Variants in TEAD1 observed in about 807,000 individuals in gnomAD.
TEAD1 encodes the protein transcriptional enhancer factor TEF-1.
In TEAD1, 9 loss-of-function variants were observed where a neutral mutation model predicts 54.9. The ratio of observed to expected loss-of-function variants is 0.16; its 90% CI spans 0.10 to 0.29. The LOEUF is 0.29. Among genes scored for constraint, TEAD1 ranks in the 10% least tolerant of loss-of-function variants. The pLI is 1.00. For synonymous variants in TEAD1, 200 were observed against 187.8 expected (o/e 1.07, Z -0.53); for missense variants, 387 against 535.9 (o/e 0.72, Z 2.74).
chr11:12,698,992 T>C (rs1227872411), intron 2 of TEAD1, among the ~76,000 whole-genome samples: 1 of 152,222 alleles, frequency 6.6e-6, no homozygotes. Flanking sequence ...TTTATTTGCA[T>C]ACTAAAGACT....
intron 3 of TEAD1, among the ~76,000 whole-genome samples, chr11:12,778,303 G>A (rs1564936506): frequency 1.3e-5 from 2 of 152,156 alleles, no homozygotes; most frequent in Non-Finnish European, 2.9e-5. Context: ...TAGGGTGGAA[G>A]AGAGTTTTGG....
chr11:12,818,722 A>G (rs535654936), intron 3 of TEAD1, among the ~76,000 whole-genome samples: 11 of 152,232 alleles, frequency 7.2e-5, no homozygotes, highest in Non-Finnish European at 1.3e-4. Context: ...ATTGAACCAC[A>G]GTAGTGTGAA....
chr11:12,832,282 A>C (rs1441570739), intron 3 of TEAD1, among the ~76,000 whole-genome samples: 1 of 152,232 alleles, frequency 6.6e-6, no homozygotes, highest in African/African-American at 2.4e-5. Context: ...GAGATCAAAC[A>C]TTGTCAGAGA....
intron 2 of TEAD1, among the ~76,000 whole-genome samples, chr11:12,714,228 GC>G (rs1361638953): frequency 6.6e-6 from 1 of 152,088 alleles, no homozygotes; most frequent in African/African-American, 2.4e-5. Flanking sequence ...TGGCTAAGGG[GC>G]AGAAGCCTCC....
rs907781774 is a variant in TEAD1, at chr11:12,922,155, C to T, written c.874-2757C>T. On this transcript the variant is annotated intron_variant, in intron 10 of 12. Coordinates refer to ENST00000527636, the MANE Select transcript of TEAD1 (RefSeq NM_021961.6). ...GAATTTAGCTTTGAATTTCTTGGCA[C>T]ATAAGGTGAAAAGGGGAATGTGGAG... Among the ~76,000 whole-genome samples, 3 of 150,786 alleles carry T rather than the reference C, an allele frequency of 2.0e-5. 1 individual carries two copies. The highest frequency in any genetic ancestry group is 2.0e-4 in the Admixed American group (3 of 15,132).
At chr11:12,853,804 G>A (rs1449288064) in intron 3 of TEAD1, among the ~76,000 whole-genome samples, 3 of 152,186 alleles carry the variant, frequency 2.0e-5, no homozygotes, top group Non-Finnish European at 4.4e-5. Flanking sequence ...GTTATCAGCT[G>A]CCGTTGACTG....
chr11:12,779,525 C>A (rs1004893568), intron 3 of TEAD1, among the ~76,000 whole-genome samples: 22 of 152,320 alleles, frequency 1.4e-4, no homozygotes, highest in South Asian at 1.2e-3. Flanking sequence ...CACCCCATCT[C>A]ACAACTTCAG....
At chr11:12,705,703 A>G (rs1298985774) in intron 2 of TEAD1, among the ~76,000 whole-genome samples, 2 of 152,192 alleles carry the variant, frequency 1.3e-5, no homozygotes, top group East Asian at 3.8e-4. Flanking sequence ...TTTATTGTAG[A>G]TGGCCTTTTA....
chr11:12,724,900 C>T (rs972965707), intron 2 of TEAD1, among the ~76,000 whole-genome samples: 1 of 152,202 alleles, frequency 6.6e-6, no homozygotes, highest in Non-Finnish European at 1.5e-5. Context: ...CCTGTGCTTC[C>T]GGGGCTGCTC....
At position 12,883,054 on chromosome 11, in the gene TEAD1, T is replaced by C; in HGVS notation, c.628T>C (p.Ser210Pro). The change falls in exon 9 of 13, where the codon TCC becomes CCC. Residue 210 changes from serine to proline, a missense_variant. Transcript: ENST00000527636. The stretch of plus-strand genomic sequence containing the variant: ...CTCAGTCCCTGCCTGGCAAGGTCGC[T>C]CCATTGGCACAACCAAGCTTCGCCT... The C allele has an allele frequency of 6.2e-7, 1 of 1,614,148 alleles. No individual in the cohort carries two copies. The highest frequency in any genetic ancestry group is 8.5e-7 in the Non-Finnish European group (1 of 1,180,032).
chr11:12,862,367 AT>A lies in TEAD1; in HGVS notation c.267+57del. Reference sequence around the variant, plus strand: ...ATGTCAGCGAATGGCCCAAAAAGGCATTTTGGCTGCAGTGGCTGGCTATGCT... The same window carrying A: ...ATGTCAGCGAATGGCCCAAAAAGGCATTTGGCTGCAGTGGCTGGCTATGCT... On this transcript the variant is annotated intron_variant, in intron 4 of 12. Coordinates refer to ENST00000527636, the MANE Select transcript of TEAD1 (RefSeq NM_021961.6). 4 of 1,558,518 alleles carry A rather than the reference AT, an allele frequency of 2.6e-6. No homozygotes were observed. In the South Asian group the frequency reaches 4.4e-5, roughly 17 times the overall value.
intron 9 of TEAD1, among the ~76,000 whole-genome samples, chr11:12,893,877 C>G (rs1387501252): frequency 6.6e-6 from 1 of 152,176 alleles, no homozygotes; most frequent in East Asian, 1.9e-4. Flanking sequence ...ACTTCAGATT[C>G]ACTTTCTCCT....
At position 12,926,558 on chromosome 11, in the gene TEAD1, A is replaced by G. The variant is rs571449153; in HGVS notation, c.1014+1506A>G. Among the ~76,000 whole-genome samples, 105 of 152,330 alleles carry G rather than the reference A, an allele frequency of 6.9e-4. 2 individuals carry two copies. The highest frequency in any genetic ancestry group is 3.4e-3 in the Middle Eastern group (1 of 294). ...AAGGAAATAAGGTGTTCAAGAGGAA[A>G]TAGGCAATGATTATAGATGCAAGAC... On this transcript the variant is annotated intron_variant, in intron 11 of 12. Coordinates refer to ENST00000527636, the MANE Select transcript of TEAD1 (RefSeq NM_021961.6).
At chr11:12,839,346 G>A (rs2032320915) in intron 3 of TEAD1, among the ~76,000 whole-genome samples, 1 of 152,174 alleles carries the variant, frequency 6.6e-6, no homozygotes, top group Non-Finnish European at 1.5e-5. Context: ...GGGAAGTGGA[G>A]GCTGCAGTGA....
intron 5 of TEAD1, among the ~76,000 whole-genome samples, chr11:12,875,597 T>C (rs1380478813): frequency 6.6e-6 from 1 of 152,206 alleles, no homozygotes; most frequent in Non-Finnish European, 1.5e-5. Context: ...GGAGATGTTA[T>C]AAAAATTAAA....
At chr11:12,750,009 A>G (rs1240030481) in intron 2 of TEAD1, among the ~76,000 whole-genome samples, 1 of 152,162 alleles carries the variant, frequency 6.6e-6, no homozygotes, top group Non-Finnish European at 1.5e-5. Flanking sequence ...TCACCATGTC[A>G]TCATTAAATG....
At chr11:12,761,059 G>A (rs1020926897) in intron 2 of TEAD1, among the ~76,000 whole-genome samples, 4 of 152,204 alleles carry the variant, frequency 2.6e-5, no homozygotes, top group African/African-American at 7.2e-5. Flanking sequence ...AAAATGGCAA[G>A]AGTCTGGATA....
chr11:12,892,137 A>C (rs1053791846), intron 9 of TEAD1, among the ~76,000 whole-genome samples: 1 of 152,232 alleles, frequency 6.6e-6, no homozygotes, highest in African/African-American at 2.4e-5. Context: ...CGTGGGCCCA[A>C]GGATGATTTA....
chr11:12,940,398 G>T lies in TEAD1; in HGVS notation c.*3176G>T, dbSNP rs1284311304. On this transcript the variant is annotated 3_prime_UTR_variant, in exon 13 of 13. Transcript: ENST00000527636. ...CAGATATTGTCAAATATCCCATCGGGTGCAAAATGATCCCTGGTCAAGATC... is the reference window on the plus strand; with the variant it reads ...CAGATATTGTCAAATATCCCATCGGTTGCAAAATGATCCCTGGTCAAGATC... The T allele has an allele frequency of 3.3e-5, 5 of 152,128 alleles. No homozygotes were observed. The highest frequency in any genetic ancestry group is 1.2e-4 in the African/African-American group (5 of 41,412). 9.4% of individuals were successfully genotyped at this position (152,128 alleles called of 1,614,324 possible).
Sources: allele counts gnomAD v4.1 joint callset (sites outside exome capture counted in the v4.1 genomes callset), GRCh38; gene constraint gnomAD v4.1.1; transcripts MANE v1.5; gene names NCBI Gene and HGNC (gene_info 2026-07-23, HGNC 2026-07-21).